Variants in TAFA1 observed in about 807,000 individuals in gnomAD.
TAFA1 encodes the protein chemokine-like protein TAFA-1.
Under a neutral mutation model 18.5 loss-of-function variants are expected in TAFA1, and 4 were observed. That is an observed-to-expected ratio of 0.22 (90% CI 0.11 to 0.49). The LOEUF (loss-of-function observed/expected upper bound fraction) is 0.49, where lower values mean the gene tolerates loss of function less well. Among genes scored for constraint, TAFA1 ranks in the 20% least tolerant of loss-of-function variants. TAFA1 has a pLI of 0.98. For synonymous variants in TAFA1, 56 were observed against 55.2 expected (o/e 1.01, Z -0.06); for missense variants, 147 against 169.0 (o/e 0.87, Z 0.72).
chr3:68,114,914 C>T (rs1452287874), intron 2 of TAFA1, among the ~76,000 whole-genome samples: 1 of 152,026 alleles, frequency 6.6e-6, no homozygotes. Flanking sequence ...GAATATTGGG[C>T]AACAGAAGTC....
chr3:68,083,700 A>G (rs1400863122), intron 2 of TAFA1, among the ~76,000 whole-genome samples: 1 of 152,166 alleles, frequency 6.6e-6, no homozygotes, highest in East Asian at 1.9e-4. Context: ...TGCTCTGGCA[A>G]TTCCCAGCTT....
intron 3 of TAFA1, among the ~76,000 whole-genome samples, chr3:68,534,530 A>G (rs548176831): frequency 6.6e-6 from 1 of 152,326 alleles, no homozygotes; most frequent in South Asian, 2.1e-4. Flanking sequence ...TACAACTGGA[A>G]GAATGAATTG....
intron 2 of TAFA1, among the ~76,000 whole-genome samples, chr3:68,239,682 G>A (rs1318447621): frequency 6.6e-6 from 1 of 152,148 alleles, no homozygotes; most frequent in Non-Finnish European, 1.5e-5. Flanking sequence ...TGAAGGCTTA[G>A]TTGCCAAAAC....
At chr3:68,152,249 CTGGTTTG>C (rs1238508115) in intron 2 of TAFA1, among the ~76,000 whole-genome samples, 2 of 152,158 alleles carry the variant, frequency 1.3e-5, no homozygotes, top group East Asian at 3.9e-4. Context: ...GTTGAGAATG[CTGGTTTG>C]TGGAACGTTC....
intron 2 of TAFA1, among the ~76,000 whole-genome samples, chr3:68,414,118 A>G (rs1321021171): frequency 6.6e-6 from 1 of 152,146 alleles, no homozygotes; most frequent in Non-Finnish European, 1.5e-5. Flanking sequence ...CATCCTGACC[A>G]ACATGGAGAA....
At chr3:68,299,805 C>A (rs1348145762) in intron 2 of TAFA1, among the ~76,000 whole-genome samples, 1 of 152,052 alleles carries the variant, frequency 6.6e-6, no homozygotes, top group African/African-American at 2.4e-5. Flanking sequence ...ACAGCTCAGA[C>A]CACTGCTTCT....
intron 2 of TAFA1, among the ~76,000 whole-genome samples, chr3:68,073,227 G>A (rs1213936176): frequency 6.6e-6 from 1 of 152,206 alleles, no homozygotes; most frequent in Non-Finnish European, 1.5e-5. Flanking sequence ...TTTGTTATAC[G>A]AAGATATTTT....
In TAFA1 at chr3:68,501,922, G is replaced by A. The variant is rs184384595; in HGVS notation, c.260-36834G>A. ...CATGCATAGGAAAAGCAGGTGCCAA[G>A]GCCCTCTGGCAGGAAAATCTTGATC... On this transcript the variant is annotated intron_variant, in intron 3 of 4. Coordinates refer to ENST00000478136, the MANE Select transcript of TAFA1 (RefSeq NM_213609.4). 3.1e-3 allele frequency among the ~76,000 whole-genome samples: 465 copies of A among 152,244 alleles called. 3 individuals are homozygous for A. The highest frequency in any genetic ancestry group is 5.3e-3 in the Non-Finnish European group (358 of 68,018).
At chr3:68,370,363 C>CACATATATATAT (rs1301301427) in intron 2 of TAFA1, among the ~76,000 whole-genome samples, 1 of 58,582 alleles carries the variant, frequency 1.7e-5, no homozygotes, top group Non-Finnish European at 3.3e-5. Context: ...TACACACACA[C>CACATATATATAT]ACACATATAT....
At chr3:68,073,818 G>A (rs1237263069) in intron 2 of TAFA1, among the ~76,000 whole-genome samples, 2 of 152,084 alleles carry the variant, frequency 1.3e-5, no homozygotes, top group African/African-American at 2.4e-5. Context: ...ATGATGATAT[G>A]TATTTAGTGA....
Position 68,089,723 on chromosome 3 carries a change from C to G in TAFA1, c.118+82979C>G, listed in dbSNP as rs1326402125. ...TAGATGGAAATGTTAACTAGAAAAG[C>G]CTGTGTAGTTCCTGAGGCACTCAGA... On this transcript the variant is annotated intron_variant, in intron 2 of 4. Coordinates refer to ENST00000478136, the MANE Select transcript of TAFA1 (RefSeq NM_213609.4). Among the ~76,000 whole-genome samples the G allele has an allele frequency of 2.0e-5, 3 of 152,108 alleles. No homozygotes were observed. In the East Asian group the frequency reaches 5.8e-4, roughly 29 times the overall value.
At position 68,081,838 on chromosome 3, in the gene TAFA1, C is replaced by T. The variant is rs546302884; in HGVS notation, c.118+75094C>T. ...GGCCTCCTTGAGCTGTGGTGGGCTC[C>T]ACCCAGTTCGAGCTTCCTGGCTGCT... On this transcript the variant is annotated intron_variant, in intron 2 of 4. Transcript: ENST00000478136. 5.2e-3 allele frequency among the ~76,000 whole-genome samples: 794 copies of T among 152,360 alleles called. 4 individuals are homozygous for T. The highest frequency in any genetic ancestry group is 0.018 in the African/African-American group (749 of 41,586).
At chr3:68,417,170 G>T in intron 2 of TAFA1, 110 bp from the exon 3 acceptor site, 2 of 798,424 alleles carry the variant, frequency 2.5e-6, no homozygotes, top group Non-Finnish European at 4.0e-6. Flanking sequence ...CATGGAAACT[G>T]TTTCTATAAT....
chr3:68,081,898 G>T (rs62135247), intron 2 of TAFA1, among the ~76,000 whole-genome samples: 1 of 151,854 alleles, frequency 6.6e-6, no homozygotes, highest in Non-Finnish European at 1.5e-5. Flanking sequence ...AATGGCGGGC[G>T]CCCCTCTCCC....
At chr3:68,474,309 C>T (rs939587088) in intron 3 of TAFA1, among the ~76,000 whole-genome samples, 1 of 152,130 alleles carries the variant, frequency 6.6e-6, no homozygotes, top group South Asian at 2.1e-4. Flanking sequence ...TCTAAAGGGG[C>T]TAGAAACAGG....
intron 3 of TAFA1, among the ~76,000 whole-genome samples, chr3:68,485,330 C>A (rs1250848043): frequency 4.6e-5 from 7 of 152,164 alleles, no homozygotes; most frequent in African/African-American, 1.7e-4. Flanking sequence ...AGTTGCTCTA[C>A]CCCAACCCAC....
intron 2 of TAFA1, among the ~76,000 whole-genome samples, chr3:68,388,160 G>A (rs965616312): frequency 4.6e-5 from 7 of 152,010 alleles, no homozygotes; most frequent in African/African-American, 9.7e-5. Flanking sequence ...AAATCGTGGC[G>A]GCTGGAGATA....
intron 2 of TAFA1, among the ~76,000 whole-genome samples, chr3:68,078,248 A>G (rs986883980): frequency 1.1e-4 from 17 of 152,212 alleles, no homozygotes; most frequent in African/African-American, 3.6e-4. Context: ...CAATCATGTC[A>G]TCTGCAAACA....
intron 3 of TAFA1, among the ~76,000 whole-genome samples, chr3:68,448,516 G>A (rs1214322682): frequency 1.3e-5 from 2 of 152,122 alleles, no homozygotes; most frequent in East Asian, 1.9e-4. Flanking sequence ...AAAGTCACAG[G>A]TACTGCTAAT....
Sources: allele counts gnomAD v4.1 joint callset (sites outside exome capture counted in the v4.1 genomes callset), GRCh38; gene constraint gnomAD v4.1.1; transcripts MANE v1.5; gene names NCBI Gene and HGNC (gene_info 2026-07-23, HGNC 2026-07-21).